KIR3DL2: variants seen among roughly 807,000 people sequenced by gnomAD.
KIR3DL2 encodes the protein killer cell immunoglobulin-like receptor 3DL2.
A neutral mutation model predicts 41.6 loss-of-function variants in KIR3DL2; 42 were observed. The observed-to-expected ratio is 1.01, with a 90% CI of 0.79 to 1.31. The LOEUF is 1.31. Among genes scored for constraint, KIR3DL2 ranks in the 50% most tolerant of loss-of-function variants. KIR3DL2 has a pLI of 0.00. For synonymous variants in KIR3DL2, 230 were observed against 221.3 expected, an observed-to-expected ratio of 1.04 and a Z score of -0.35; for missense variants, 728 against 576.8, an observed-to-expected ratio of 1.26 and a Z score of -2.68.
At chr19:54,862,961 C>G (rs1169513190) in intron 6 of KIR3DL2, among the ~76,000 whole-genome samples, 1 of 147,092 alleles carries the variant, frequency 6.8e-6, no homozygotes, top group Non-Finnish European at 1.5e-5. Flanking sequence ...CCCATCAACT[C>G]GTCATTTAGC....
In KIR3DL2 at chr19:54,856,371, A is replaced by G. The variant is rs1430643061; in HGVS notation, c.949+459A>G. ...ACCAACTTTACCATTTTTAAAAGTA[A>G]AATCTAGTGGTCATAAATACCTTTA... On this transcript the variant is annotated intron_variant, in intron 5 of 8. Transcript: ENST00000326321. Among the ~76,000 whole-genome samples, 12 of 151,962 alleles carry G rather than the reference A, an allele frequency of 7.9e-5. No individual in the cohort carries two copies. In the East Asian group the frequency reaches 2.3e-3, roughly 29 times the overall value.
intron 1 of KIR3DL2, among the ~76,000 whole-genome samples, 190 bp downstream of exon 1, chr19:54,850,699 TGGGTGTGGA>T (rs2064125027): frequency 1.2e-5 from 1 of 81,412 alleles, no homozygotes; most frequent in Non-Finnish European, 2.5e-5. Context: ...GATATGGGCC[TGGGTGTGGA>T]GATATGGGCC....
At chr19:54,856,206 GC>G (rs2145626130) in intron 5 of KIR3DL2, among the ~76,000 whole-genome samples, 2 of 151,584 alleles carry the variant, frequency 1.3e-5, no homozygotes, top group South Asian at 4.2e-4. Flanking sequence ...GGTTCCCTCA[GC>G]CCCTCAACCT....
Position 54,859,148 on chromosome 19 carries a change from T to C in KIR3DL2, c.1000+19T>C. 6.2e-7 allele frequency: 1 copy of C among 1,606,712 alleles called. No homozygotes were observed. The highest frequency in any genetic ancestry group is 8.5e-7 in the Non-Finnish European group (1 of 1,173,686). Reference sequence around the variant, plus strand: ...AAATCTGGTGAGTAAAGGACCCCTCTTATCTCTGCTTTTGGAAACCTGGGG... The same window carrying C: ...AAATCTGGTGAGTAAAGGACCCCTCCTATCTCTGCTTTTGGAAACCTGGGG... On this transcript the variant is annotated intron_variant, in intron 6 of 8. Coordinates refer to ENST00000326321, the MANE Select transcript of KIR3DL2 (RefSeq NM_006737.4).
intron 6 of KIR3DL2, among the ~76,000 whole-genome samples, chr19:54,860,229 A>G (rs1264035991): frequency 1.3e-5 from 2 of 152,108 alleles, no homozygotes; most frequent in Non-Finnish European, 2.9e-5. Flanking sequence ...CAAACAGTGA[A>G]CAAGATGCAT....
chr19:54,856,391 C>T (rs1333309922), intron 5 of KIR3DL2, among the ~76,000 whole-genome samples: 1 of 151,606 alleles, frequency 6.6e-6, no homozygotes, highest in Admixed American at 6.6e-5. Flanking sequence ...GTCATAAATA[C>T]CTTTATATGC....
At chr19:54,854,128 G>A (rs1480429957) in intron 4 of KIR3DL2, 82 bp downstream of exon 4, 4 of 1,463,170 alleles carry the variant, frequency 2.7e-6, no homozygotes, top group Middle Eastern at 2.0e-4. Context: ...AGGTGGTCAT[G>A]AGGAAGATAA....
Position 54,859,143 on chromosome 19 carries a change from C to T in KIR3DL2, c.1000+14C>T. ...GCTCCAAATCTGGTGAGTAAAGGAC[C>T]CCTCTTATCTCTGCTTTTGGAAACC... On this transcript the variant is annotated intron_variant, in intron 6 of 8. Transcript: ENST00000326321. 6.2e-7 allele frequency: 1 copy of T among 1,608,084 alleles called. No individual in the cohort carries two copies. Among genetic ancestry groups the T allele is most frequent in the Non-Finnish European group, 8.5e-7 (1 of 1,174,916 alleles).
At position 54,853,262 on chromosome 19, in the gene KIR3DL2, T is replaced by C. The variant is rs1255484350; in HGVS notation, c.356-485T>C. 3.3e-5 allele frequency among the ~76,000 whole-genome samples: 5 copies of C among 151,556 alleles called. No individual in the cohort carries two copies. In the East Asian group the frequency reaches 9.7e-4, roughly 29 times the overall value. Reference sequence around the variant, plus strand: ...GGAACCAGCACCAGGGACCACCCTATGGAAGCTGGGGCCATGGAGAAGGCA... The same window carrying C: ...GGAACCAGCACCAGGGACCACCCTACGGAAGCTGGGGCCATGGAGAAGGCA... On this transcript the variant is annotated intron_variant, in intron 3 of 8. Coordinates refer to ENST00000326321, the MANE Select transcript of KIR3DL2 (RefSeq NM_006737.4).
intron 6 of KIR3DL2, among the ~76,000 whole-genome samples, chr19:54,863,469 C>A (rs967274507): frequency 2.6e-5 from 4 of 152,092 alleles, no homozygotes; most frequent in Admixed American, 2.6e-4. Context: ...TACAGTCCCA[C>A]CAACAGTGTA....
In KIR3DL2 at chr19:54,866,819, G is replaced by A. The variant is rs57766694; in HGVS notation, c.*88G>A. On this transcript the variant is annotated 3_prime_UTR_variant, in exon 9 of 9. Coordinates refer to ENST00000326321, the MANE Select transcript of KIR3DL2 (RefSeq NM_006737.4). ...GAAGGCATCAGTCTGCATCTTAGGG[G>A]ATCGCTCTTCCTCACACCACGAATC... 1.4e-6 allele frequency: 2 copies of A among 1,406,038 alleles called. No individual in the cohort carries two copies. Among genetic ancestry groups the A allele is most frequent in the South Asian group, 1.2e-5 (1 of 83,142 alleles). 87.1% of individuals were successfully genotyped at this position (1,406,038 alleles called of 1,614,324 possible). A position where few individuals can be genotyped will look rare whatever the true frequency, so the allele number is the denominator to read the frequency against.
chr19:54,851,677 G>T, intron 2 of KIR3DL2, among the ~76,000 whole-genome samples: 1 of 151,732 alleles, frequency 6.6e-6, no homozygotes, highest in Middle Eastern at 3.2e-3. Flanking sequence ...CTCTGAGGGG[G>T]CTCAGTTCAT....
At chr19:54,857,332 G>A (rs1199173416) in intron 5 of KIR3DL2, among the ~76,000 whole-genome samples, 30 of 151,518 alleles carry the variant, frequency 2.0e-4, no homozygotes, top group African/African-American at 6.3e-4. Flanking sequence ...CTCAAGTGAG[G>A]TGCCTGCCTC....
intron 4 of KIR3DL2, 123 bp downstream of exon 4, chr19:54,854,169 C>A: frequency 2.5e-6 from 3 of 1,201,032 alleles, no homozygotes; most frequent in East Asian, 2.5e-5. Context: ...GAGACTGACT[C>A]GGTGAGGTCT....
intron 5 of KIR3DL2, among the ~76,000 whole-genome samples, chr19:54,856,443 G>A (rs1372678876): frequency 6.6e-6 from 1 of 151,712 alleles, no homozygotes; most frequent in Non-Finnish European, 1.5e-5. Flanking sequence ...CGCTTTGAGA[G>A]GCCAAGAAAG....
Position 54,852,084 on chromosome 19 carries a change from C to A in KIR3DL2, c.157C>A (p.Arg53Ser). The A allele has an allele frequency of 1.2e-6, 2 of 1,612,758 alleles. No individual in the cohort carries two copies. Among genetic ancestry groups the A allele is most frequent in the Non-Finnish European group, 1.7e-6 (2 of 1,179,472 alleles). The change falls in exon 3 of 9, where the codon CGT becomes AGT. Residue 53 changes from arginine (R) to serine (S), a missense_variant. Transcript: ENST00000326321. The stretch of plus-strand genomic sequence containing the variant: ...CGTGGCTCTTCAGTGTCACTATCGT[C>A]GTGGGTTTAACAATTTCATGCTGTA... ...GHVALQCHYR[R>S]GFNNFMLYKE...
intron 6 of KIR3DL2, among the ~76,000 whole-genome samples, chr19:54,859,695 A>G (rs2065036986): frequency 6.6e-6 from 1 of 151,692 alleles, no homozygotes; most frequent in Non-Finnish European, 1.5e-5. Context: ...TTTCCACAAG[A>G]TTCGTGTGTG....
rs2064200354 is a variant in KIR3DL2, at chr19:54,851,220, G to C, written c.35G>C (p.Gly12Ala). The change falls in exon 2 of 9, where the codon GGG becomes GCG. Residue 12 changes from glycine (G) to alanine (A), a missense_variant and splice_region_variant. Transcript: ENST00000326321. ...SLTVVSMACV[G>A]FFLLQGAWPL... The stretch of plus-strand genomic sequence containing the variant: ...CGTCTATCATGATCTTTCTTTCCAG[G>C]GTTCTTCTTGCTGCAGGGGGCCTGG... 2 of 1,610,670 alleles carry C rather than the reference G, an allele frequency of 1.2e-6. No individual in the cohort carries two copies. The highest frequency in any genetic ancestry group is 1.7e-6 in the Non-Finnish European group (2 of 1,178,648).
At chr19:54,854,524 A>T (rs1364803317) in intron 4 of KIR3DL2, among the ~76,000 whole-genome samples, 1 of 151,778 alleles carries the variant, frequency 6.6e-6, no homozygotes, top group African/African-American at 2.4e-5. Flanking sequence ...CATGCAGTGG[A>T]GCCATAATTA....
Sources: gnomAD v4.1 joint callset for allele counts (sites outside exome capture counted in the v4.1 genomes callset) on GRCh38, gnomAD v4.1.1 for gene constraint, MANE v1.5 for transcripts, NCBI Gene and HGNC (gene_info 2026-07-23, HGNC 2026-07-21) for gene names.